OSBPL6: variants seen among roughly 807,000 people sequenced by gnomAD.
OSBPL6 encodes the protein oxysterol-binding protein-related protein 6.
In OSBPL6, 49 loss-of-function variants were observed where a neutral mutation model predicts 125.8. That is an observed-to-expected ratio of 0.39 (90% CI 0.31 to 0.49). OSBPL6 has a LOEUF of 0.49. OSBPL6 is among the 20% of genes least tolerant of loss of function. The probability of loss-of-function intolerance (pLI) is 0.88; values close to 1 mark genes in which losing one functional copy is unlikely to be tolerated. For synonymous variants in OSBPL6, 394 were observed against 391.8 expected, an observed-to-expected ratio of 1.01 and a Z score of -0.07; for missense variants, 986 against 1,135.4, an observed-to-expected ratio of 0.87 and a Z score of 1.89.
At chr2:178,264,238 C>G (rs2092158320) in intron 1 of OSBPL6, among the ~76,000 whole-genome samples, 1 of 152,130 alleles carries the variant, frequency 6.6e-6, no homozygotes, top group Non-Finnish European at 1.5e-5. Context: ...GCATCATTCT[C>G]TCATATAAAT....
intron 1 of OSBPL6, among the ~76,000 whole-genome samples, chr2:178,265,691 G>A (rs974656482): frequency 2.0e-5 from 3 of 152,066 alleles, no homozygotes; most frequent in Non-Finnish European, 4.4e-5. Flanking sequence ...GTTGGATTTA[G>A]GCCCTGTCAC....
rs185235186 is a variant in OSBPL6 at position 178,232,344 on chromosome 2, A to G, written c.-351+37670A>G. On this transcript the variant is annotated intron_variant, in intron 1 of 24. Coordinates refer to ENST00000190611, the MANE Select transcript of OSBPL6 (RefSeq NM_032523.4). ...GAGTACCTTGACTTCCAGGAAGTAA[A>G]CAAGTTTGGAAATTACTAATCCCAG... Among the ~76,000 whole-genome samples, 9 of 152,250 alleles carry G rather than the reference A, an allele frequency of 5.9e-5. No homozygotes were observed. The East Asian group carries it at 1.7e-3, about 29-fold the overall frequency.
chr2:178,228,661 ATAT>A (rs2090681676), intron 1 of OSBPL6, among the ~76,000 whole-genome samples: 1 of 152,272 alleles, frequency 6.6e-6, no homozygotes, highest in Admixed American at 6.5e-5. Context: ...TATAACCCAA[ATAT>A]TATGCTAACA....
At chr2:178,379,147 C>T (rs925638542) in intron 15 of OSBPL6, among the ~76,000 whole-genome samples, 19 of 148,362 alleles carry the variant, frequency 1.3e-4, no homozygotes, top group African/African-American at 2.2e-4. Context: ...ACTCCAGCCT[C>T]GGTGACAGAA....
intron 9 of OSBPL6, among the ~76,000 whole-genome samples, chr2:178,337,757 C>T (rs1689820317): frequency 6.6e-6 from 1 of 152,136 alleles, no homozygotes; most frequent in Non-Finnish European, 1.5e-5. Flanking sequence ...TCACAAAGTT[C>T]TGTTTTCATT....
In OSBPL6 at chr2:178,324,185, C is replaced by T. The variant is rs1333700424; in HGVS notation, c.111C>T (p.His37=). ...SSQRDSRQSI[H]ILERTASSST... ...TTTTCATTTATTTTCAGAGTATTCA[C>T]ATACTGGAGAGGACTGCTTCCTCTA... Residue 37 remains histidine (H), a synonymous_variant, in exon 4 of 25, where the codon CAC becomes CAT. Coordinates refer to ENST00000190611, the MANE Select transcript of OSBPL6 (RefSeq NM_032523.4). The T allele has an allele frequency of 6.5e-7, 1 of 1,541,454 alleles. No homozygotes were observed. Among genetic ancestry groups the T allele is most frequent in the African/African-American group, 1.3e-5 (1 of 74,148 alleles).
chr2:178,295,247 C>T (rs890071616), intron 2 of OSBPL6, among the ~76,000 whole-genome samples: 2 of 152,054 alleles, frequency 1.3e-5, no homozygotes, highest in African/African-American at 4.8e-5. Flanking sequence ...ACCTGCCTGC[C>T]ATGGGATGCT....
chr2:178,195,743 A>G (rs568583089), intron 1 of OSBPL6, among the ~76,000 whole-genome samples: 1 of 152,312 alleles, frequency 6.6e-6, no homozygotes, highest in African/African-American at 2.4e-5. Context: ...TTTTTTCTAT[A>G]GGAACTTTCA....
At chr2:178,203,285 C>T (rs72964067) in intron 1 of OSBPL6, among the ~76,000 whole-genome samples, 2,235 of 152,232 alleles carry the variant, frequency 0.015, 30 homozygotes, top group Non-Finnish European at 0.024. Context: ...CTCAAGCTAT[C>T]CTTCCACCTC....
chr2:178,251,436 A>C (rs1243302053), intron 1 of OSBPL6, among the ~76,000 whole-genome samples: 1 of 150,524 alleles, frequency 6.6e-6, no homozygotes, highest in African/African-American at 2.5e-5. Flanking sequence ...ATAAAATTTC[A>C]TTAACTGTGA....
At position 178,339,665 on chromosome 2, in the gene OSBPL6, A is replaced by G; in HGVS notation, c.895-7A>G. On this transcript the variant is annotated splice_region_variant and splice_polypyrimidine_tract_variant and intron_variant, in intron 10 of 24. Transcript: ENST00000190611. ...CTTTGTTGCTTTTAACTATTTGTGTAATGTAGGCTAACTGTGTAGATATTT... is the reference window on the plus strand; with the variant it reads ...CTTTGTTGCTTTTAACTATTTGTGTGATGTAGGCTAACTGTGTAGATATTT... The G allele has an allele frequency of 6.3e-7, 1 of 1,586,802 alleles. No individual in the cohort carries two copies. The highest frequency in any genetic ancestry group is 8.6e-7 in the Non-Finnish European group (1 of 1,168,442).
chr2:178,334,212 G>A lies in OSBPL6; in HGVS notation c.657+1171G>A, dbSNP rs146775419. 3.0e-3 allele frequency among the ~76,000 whole-genome samples: 453 copies of A among 152,250 alleles called. 5 individuals carry two copies. Among genetic ancestry groups the A allele is most frequent in the African/African-American group, 0.011 (440 of 41,546 alleles). On this transcript the variant is annotated intron_variant, in intron 8 of 24. Transcript: ENST00000190611. The stretch of plus-strand genomic sequence containing the variant: ...CCACTGCACTGCGCAGGGGTGCTCC[G>A]CCTTCACATTTGGCACCTGAAATTG...
At chr2:178,338,309 A>G (rs1574909364) in intron 9 of OSBPL6, among the ~76,000 whole-genome samples, 1 of 152,138 alleles carries the variant, frequency 6.6e-6, no homozygotes, top group African/African-American at 2.4e-5. Context: ...TATTGTATAG[A>G]TTTTTAAATA....
chr2:178,265,191 CTTTTTTTTT>C (rs376718500), intron 1 of OSBPL6, among the ~76,000 whole-genome samples: 4 of 33,730 alleles, frequency 1.2e-4, no homozygotes, highest in African/African-American at 2.3e-4. Flanking sequence ...CCAGACGAGA[CTTTTTTTTT>C]TTTTTTTTTT....
chr2:178,291,013 G>C (rs1054987067), intron 2 of OSBPL6, among the ~76,000 whole-genome samples: 1 of 151,556 alleles, frequency 6.6e-6, no homozygotes, highest in South Asian at 2.1e-4. Flanking sequence ...ACACAAAATA[G>C]TTTCAAATTA....
At chr2:178,389,871 T>C (rs1695254354) in intron 21 of OSBPL6, among the ~76,000 whole-genome samples, 1 of 152,090 alleles carries the variant, frequency 6.6e-6, no homozygotes, top group Admixed American at 6.5e-5. Flanking sequence ...CATATTGGAG[T>C]CTTAAGACTC....
chr2:178,336,507 T>C (rs1220776756), intron 9 of OSBPL6, 74 bp downstream of exon 9: 1 of 1,532,858 alleles, frequency 6.5e-7, no homozygotes, highest in Non-Finnish European at 8.9e-7. Flanking sequence ...AGGTCAATTA[T>C]GAGTGCTACA....
intron 1 of OSBPL6, among the ~76,000 whole-genome samples, chr2:178,240,116 G>A (rs886795522): frequency 2.0e-5 from 3 of 152,070 alleles, no homozygotes; most frequent in Non-Finnish European, 4.4e-5. Context: ...AATGGTGATT[G>A]CCAGAAATTG....
intron 1 of OSBPL6, among the ~76,000 whole-genome samples, chr2:178,218,792 G>C (rs977137125): frequency 1.3e-5 from 2 of 151,864 alleles, no homozygotes; most frequent in African/African-American, 4.8e-5. Flanking sequence ...ACCATGCCCA[G>C]CTGATTTTTG....
Sources: gnomAD v4.1 joint callset for allele counts (sites outside exome capture counted in the v4.1 genomes callset) on GRCh38, gnomAD v4.1.1 for gene constraint, MANE v1.5 for transcripts, NCBI Gene and HGNC (gene_info 2026-07-23, HGNC 2026-07-21) for gene names.